SUMF1: variants seen among roughly 807,000 people sequenced by gnomAD.
SUMF1 encodes the protein formylglycine-generating enzyme.
SUMF1 carries 48 observed loss-of-function variants against 47.6 expected under a neutral mutation model. The ratio of observed to expected loss-of-function variants is 1.01; its 90% CI spans 0.80 to 1.28. SUMF1 has a LOEUF of 1.28. Ranked by LOEUF, SUMF1 falls within the 50% of genes most tolerant of loss-of-function variation. The pLI is 0.00. For missense variants in SUMF1, 571 were observed against 485.4 expected, an observed-to-expected ratio of 1.18 and a Z score of -1.66; for synonymous variants, 230 against 192.1, an observed-to-expected ratio of 1.20 and a Z score of -1.63.
At chr3:4,330,375 T>G (rs1350109790) in intron 8 of SUMF1, among the ~76,000 whole-genome samples, 5 of 152,248 alleles carry the variant, frequency 3.3e-5, no homozygotes, top group African/African-American at 1.2e-4. Context: ...AAAAGAGGTT[T>G]AATGGATTCA....
intron 8 of SUMF1, among the ~76,000 whole-genome samples, chr3:4,122,458 A>C (rs1693567612): frequency 6.6e-6 from 1 of 152,160 alleles, no homozygotes; most frequent in South Asian, 2.1e-4. Context: ...GGGATCATGA[A>C]AATGTTTTGG....
intron 6 of SUMF1, among the ~76,000 whole-genome samples, chr3:4,412,698 A>G (rs1182350167): frequency 2.0e-5 from 3 of 152,192 alleles, no homozygotes; most frequent in Non-Finnish European, 4.4e-5. Flanking sequence ...AGCCTGGCCA[A>G]CATGGTCAAA....
chr3:4,231,454 T>C (rs1696297705), intron 8 of SUMF1, among the ~76,000 whole-genome samples: 1 of 152,162 alleles, frequency 6.6e-6, no homozygotes, highest in African/African-American at 2.4e-5. Flanking sequence ...TACTAATACA[T>C]TATTTCAATC....
intron 8 of SUMF1, among the ~76,000 whole-genome samples, chr3:4,207,553 A>G (rs1210771893): frequency 6.6e-6 from 1 of 152,098 alleles, no homozygotes; most frequent in Non-Finnish European, 1.5e-5. Flanking sequence ...TTATATTTCT[A>G]TTGAGATCAT....
chr3:4,369,398 A>C (rs553690449), intron 8 of SUMF1, among the ~76,000 whole-genome samples: 2 of 152,332 alleles, frequency 1.3e-5, no homozygotes, highest in East Asian at 3.9e-4. Flanking sequence ...AGACATAGCA[A>C]AAGCCTCATT....
chr3:4,342,776 C>A (rs1372001902), intron 8 of SUMF1, among the ~76,000 whole-genome samples: 4 of 152,148 alleles, frequency 2.6e-5, no homozygotes, highest in African/African-American at 9.7e-5. Context: ...AACACAGAAG[C>A]AGCACCCTAC....
intron 6 of SUMF1, among the ~76,000 whole-genome samples, chr3:4,415,947 C>T (rs1229627080): frequency 6.6e-6 from 1 of 152,202 alleles, no homozygotes; most frequent in Non-Finnish European, 1.5e-5. Flanking sequence ...ATCAATCATG[C>T]TGCTGCCTTG....
At chr3:4,428,200 T>C (rs68029292) in intron 3 of SUMF1, among the ~76,000 whole-genome samples, 43,916 of 152,016 alleles carry the variant, frequency 0.29, 6,769 homozygotes, top group Middle Eastern at 0.41. Flanking sequence ...GTTACAAAAA[T>C]GTTTGTACAA....
downstream of SUMF1, among the ~76,000 whole-genome samples, chr3:4,359,605 G>GTGAA (rs140939420): frequency 0.029 from 4,448 of 152,232 alleles, 199 homozygotes; most frequent in African/African-American, 0.1. Context: ...TTACAATCAT[G>GTGAA]GTGGAAGGCA....
At chr3:4,372,973 C>T (rs943797362) in intron 8 of SUMF1, among the ~76,000 whole-genome samples, 12 of 152,310 alleles carry the variant, frequency 7.9e-5, no homozygotes, top group African/African-American at 2.6e-4. Flanking sequence ...TATGGAAAAT[C>T]CTGTGGATCC....
At chr3:4,421,780 TG>T (rs1701907372) in intron 3 of SUMF1, among the ~76,000 whole-genome samples, 1 of 152,092 alleles carries the variant, frequency 6.6e-6, no homozygotes, top group Non-Finnish European at 1.5e-5. Context: ...CTACTGCACC[TG>T]GCCTGCAAAT....
rs1227272341 is a variant in SUMF1, at chr3:4,201,239, ATATAAC to A, written c.1015-132500_1015-132495del. On this transcript the variant is annotated intron_variant and NMD_transcript_variant, in intron 8 of 12. Transcript: ENST00000448413. ...TCAAATACTAGATCTTATTTATTCT[ATATAAC>A]TATATTTTTGTACTCATTAACCATC... 9.9e-5 allele frequency among the ~76,000 whole-genome samples: 15 copies of A among 152,104 alleles called. No individual in the cohort carries two copies. In the South Asian group the frequency reaches 2.3e-3, roughly 23 times the overall value.
chr3:4,077,911 A>C (rs1421566717), intron 8 of SUMF1, among the ~76,000 whole-genome samples: 1 of 152,102 alleles, frequency 6.6e-6, no homozygotes, highest in Non-Finnish European at 1.5e-5. Flanking sequence ...AAGTAAAAAG[A>C]CCATGCTAAG....
chr3:4,075,302 T>TA (rs1452771270), intron 8 of SUMF1, among the ~76,000 whole-genome samples: 2 of 152,080 alleles, frequency 1.3e-5, no homozygotes, highest in African/African-American at 4.8e-5. Flanking sequence ...CCCTTCATGC[T>TA]AAAAACTCTC....
chr3:4,093,633 A>C (rs1692837400), intron 8 of SUMF1, among the ~76,000 whole-genome samples: 1 of 152,132 alleles, frequency 6.6e-6, no homozygotes, highest in Admixed American at 6.5e-5. Flanking sequence ...AGAATTGCAA[A>C]TGGTTTGGTG....
Position 4,352,688 on chromosome 3 carries a change from T to C in SUMF1, c.1014+23642A>G, listed in dbSNP as rs191441991. Among the ~76,000 whole-genome samples the C allele has an allele frequency of 8.1e-5, 11 of 135,622 alleles. No individual in the cohort carries two copies. The East Asian group carries it at 2.4e-3, about 29-fold the overall frequency. The allele number at this position is 135,622 out of a possible 152,430, so 89.0% of individuals were successfully genotyped here. A position where few individuals can be genotyped will look rare whatever the true frequency, so the allele number is the denominator to read the frequency against. On this transcript the variant is annotated intron_variant and NMD_transcript_variant, in intron 8 of 12. Coordinates refer to the SUMF1 transcript ENST00000448413. ...AGGATTGTTGAGGGTAGTCCATGCA[T>C]AGAATTATGTTCCAAAGGATGTAGG...
At chr3:4,303,619 G>T in intron 8 of SUMF1, 1 of 1,380,418 alleles carries the variant, frequency 7.2e-7, no homozygotes, top group South Asian at 1.7e-5. Context: ...TCCCAGTCGC[G>T]ACCTTTTGTC....
intron 8 of SUMF1, among the ~76,000 whole-genome samples, chr3:4,367,122 C>T (rs1253086822): frequency 2.6e-5 from 4 of 151,838 alleles, no homozygotes; most frequent in Admixed American, 2.0e-4. Flanking sequence ...TGTCAGTCTG[C>T]CCCTACTGGG....
intron 8 of SUMF1, among the ~76,000 whole-genome samples, chr3:4,105,345 T>C (rs1374378739): frequency 6.6e-6 from 1 of 152,158 alleles, no homozygotes. Context: ...TAACAATGTG[T>C]ATTTTTAAAA....
Sources: allele counts gnomAD v4.1 joint callset (sites outside exome capture counted in the v4.1 genomes callset), GRCh38; gene constraint gnomAD v4.1.1; transcripts MANE v1.5; gene names NCBI Gene and HGNC (gene_info 2026-07-23, HGNC 2026-07-21).